Variants in PATJ observed in about 807,000 individuals in gnomAD.
PATJ encodes PATJ crumbs cell polarity complex component, also known as inaD-like protein.
Under a neutral mutation model 224.9 loss-of-function variants are expected in PATJ, and 190 were observed. The ratio of observed to expected loss-of-function variants is 0.84; its 90% CI spans 0.75 to 0.95. PATJ has a LOEUF of 0.95. Among genes scored for constraint, PATJ ranks in the 40% least tolerant of loss-of-function variants. The probability of loss-of-function intolerance (pLI) is 0.00; values close to 1 mark genes in which losing one functional copy is unlikely to be tolerated. For synonymous variants in PATJ, 769 were observed against 820.3 expected (o/e 0.94, Z 1.07); for missense variants, 2,121 against 2,270.3 (o/e 0.93, Z 1.34).
At chr1:61,877,966 C>T (rs1279308004) in intron 21 of PATJ, among the ~76,000 whole-genome samples, 1 of 152,256 alleles carries the variant, frequency 6.6e-6, no homozygotes, top group South Asian at 2.1e-4. Context: ...AGTGTAACTG[C>T]GTGAAGCGCT....
chr1:61,842,855 T>C (rs1260258558), intron 17 of PATJ, among the ~76,000 whole-genome samples: 1 of 152,130 alleles, frequency 6.6e-6, no homozygotes, highest in East Asian at 1.9e-4. Context: ...TAGCAATGGA[T>C]GTGTTCTGGA....
At chr1:61,763,333 T>A (rs1007425355) in intron 3 of PATJ, among the ~76,000 whole-genome samples, 154 bp downstream of exon 3, 1 of 152,154 alleles carries the variant, frequency 6.6e-6, no homozygotes, top group African/African-American at 2.4e-5. Context: ...AACCTGTGGG[T>A]AGCATTGGCA....
chr1:61,982,925 T>A (rs1188556450), intron 27 of PATJ, among the ~76,000 whole-genome samples: 2 of 152,034 alleles, frequency 1.3e-5, no homozygotes, highest in African/African-American at 4.8e-5. Flanking sequence ...AAATCACAAT[T>A]ACTTTTGTAC....
intron 28 of PATJ, among the ~76,000 whole-genome samples, chr1:62,013,884 A>T (rs779643974): frequency 2.0e-5 from 3 of 151,874 alleles, no homozygotes; most frequent in African/African-American, 4.8e-5. Flanking sequence ...AGTGATTCTC[A>T]TGCCTCAGCT....
At chr1:61,855,549 G>A (rs889975308) in intron 17 of PATJ, among the ~76,000 whole-genome samples, 6 of 151,652 alleles carry the variant, frequency 4.0e-5, no homozygotes, top group African/African-American at 1.2e-4. Flanking sequence ...CTGGTAGTTC[G>A]GACTACAAAC....
At chr1:62,015,806 G>A (rs1474063915) in intron 28 of PATJ, among the ~76,000 whole-genome samples, 3 of 152,166 alleles carry the variant, frequency 2.0e-5, no homozygotes, top group East Asian at 3.9e-4. Context: ...TAGCTGGGAC[G>A]ATAGACATGC....
intron 14 of PATJ, among the ~76,000 whole-genome samples, chr1:61,817,504 A>G (rs1656363869): frequency 6.6e-6 from 1 of 152,106 alleles, no homozygotes; most frequent in African/African-American, 2.4e-5. Flanking sequence ...TCTCTACTAA[A>G]AATACAAAAA....
intron 28 of PATJ, among the ~76,000 whole-genome samples, chr1:62,008,567 G>A (rs2886449): frequency 6.6e-6 from 1 of 151,526 alleles, no homozygotes; most frequent in Non-Finnish European, 1.5e-5. Flanking sequence ...GACCAGCCTG[G>A]GTAACATGGC....
rs367593888 is a variant in PATJ, at chr1:61,908,137, TG to T, written c.3382-234del. Among the ~76,000 whole-genome samples, 7 of 152,328 alleles carry T rather than the reference TG, an allele frequency of 4.6e-5. No individual in the cohort carries two copies. In the East Asian group the frequency reaches 1.4e-3, roughly 29 times the overall value. ...TTGGATAATTATATTTAACCAGGGA[TG>T]TTTTTATTAATGTATTTTTCTTATC... On this transcript the variant is annotated intron_variant, in intron 24 of 43. Coordinates refer to ENST00000642238, the MANE Select transcript of PATJ (RefSeq NM_001350145.3).
rs558239862 is a variant in PATJ, at chr1:62,161,079, A to T, written c.*25A>T. ...AGCCTCGGGCCTGATCACAAGATAG[A>T]TGTTGTTGTTTAGAATATCCACAGG... On this transcript the variant is annotated 3_prime_UTR_variant, in exon 44 of 44. Transcript: ENST00000642238. The T allele has an allele frequency of 3.8e-5, 53 of 1,401,478 alleles. No individual in the cohort carries two copies. The African/African-American group carries it at 7.1e-4, about 19-fold the overall frequency. The allele number at this position is 1,401,478 out of a possible 1,614,324, so 86.8% of individuals were successfully genotyped here. A position where few individuals can be genotyped will look rare whatever the true frequency, so the allele number is the denominator to read the frequency against.
chr1:61,788,662 G>GTTTGT (rs373735952), intron 8 of PATJ, among the ~76,000 whole-genome samples: 3,441 of 151,934 alleles, frequency 0.023, 66 homozygotes, highest in African/African-American at 0.052. Flanking sequence ...TTGTTTGTTT[G>GTTTGT]TTTGTTTTGT....
chr1:61,927,918 G>A, intron 27 of PATJ, 89 bp downstream of exon 27: 1 of 924,746 alleles, frequency 1.1e-6, no homozygotes, highest in Non-Finnish European at 1.6e-6. Flanking sequence ...ATATGGCTGT[G>A]AGTTCTTCAA....
chr1:61,757,686 C>A (rs1405593893), intron 1 of PATJ, among the ~76,000 whole-genome samples: 1 of 152,142 alleles, frequency 6.6e-6, no homozygotes, highest in Admixed American at 6.5e-5. Context: ...ATGCCTGGCT[C>A]CCTAGTTTTT....
rs1224031945 is a variant in PATJ, at chr1:62,121,302, C to T, written c.5005+7C>T. 1 of 1,544,486 alleles carries T rather than the reference C, an allele frequency of 6.5e-7. No individual in the cohort carries two copies. The highest frequency in any genetic ancestry group is 8.9e-7 in the Non-Finnish European group (1 of 1,118,390). On this transcript the variant is annotated splice_region_variant and intron_variant, in intron 38 of 43. Transcript: ENST00000642238. ...CCTTCCCAGAAAAATTCAGGTATTA[C>T]ACGGACACACCCAGAGCAAAACTAT... is the stretch of plus-strand genomic sequence containing the variant.
chr1:61,961,862 G>A (rs866933018), intron 27 of PATJ, among the ~76,000 whole-genome samples: 4 of 151,746 alleles, frequency 2.6e-5, no homozygotes, highest in African/African-American at 4.8e-5. Flanking sequence ...CCAGCTACTC[G>A]GGAGGCTGAG....
intron 17 of PATJ, among the ~76,000 whole-genome samples, chr1:61,855,418 T>G (rs1663493619): frequency 6.6e-6 from 1 of 152,208 alleles, no homozygotes; most frequent in African/African-American, 2.4e-5. Flanking sequence ...ATTTATTTTT[T>G]GGGACAGGGT....
chr1:61,868,638 A>G (rs138776082), intron 20 of PATJ, among the ~76,000 whole-genome samples: 3,029 of 152,156 alleles, frequency 0.02, 66 homozygotes, highest in South Asian at 0.067. Context: ...AAAATAGAAA[A>G]ATTAGCCAGG....
chr1:61,813,376 TATACACACAC>T (rs1391759223), intron 14 of PATJ, among the ~76,000 whole-genome samples: 4,379 of 36,532 alleles, frequency 0.12, 77 homozygotes, highest in Middle Eastern at 0.19. Context: ...TATATATATA[TATACACACAC>T]ACACACACAC....
At chr1:61,923,536 GT>G (rs1313105952) in intron 26 of PATJ, among the ~76,000 whole-genome samples, 1 of 152,078 alleles carries the variant, frequency 6.6e-6, no homozygotes, top group Non-Finnish European at 1.5e-5. Flanking sequence ...AGCAAGACAT[GT>G]TCTCTAGAAT....
Sources: gnomAD v4.1 joint callset for allele counts (sites outside exome capture counted in the v4.1 genomes callset) on GRCh38, gnomAD v4.1.1 for gene constraint, MANE v1.5 for transcripts, NCBI Gene and HGNC (gene_info 2026-07-23, HGNC 2026-07-21) for gene names.